PRRG1: variants seen among roughly 807,000 people sequenced by gnomAD.
PRRG1 encodes proline rich and Gla domain 1.
In PRRG1, 5 loss-of-function variants were observed where a neutral mutation model predicts 11.8. That is an observed-to-expected ratio of 0.42 (90% CI 0.22 to 0.89). The LOEUF is 0.89. Among genes scored for constraint, PRRG1 ranks in the 40% least tolerant of loss-of-function variants. PRRG1 has a pLI of 0.28. For missense variants in PRRG1, 155 were observed against 166.1 expected, an observed-to-expected ratio of 0.93 and a Z score of 0.37; for synonymous variants, 66 against 60.4, an observed-to-expected ratio of 1.09 and a Z score of -0.43.
intron 2 of PRRG1, among the ~76,000 whole-genome samples, chrX:37,415,794 ATCTCCCAC>A: frequency 9.0e-6 from 1 of 111,731 alleles, no homozygotes; most frequent in Non-Finnish European, 1.9e-5. Flanking sequence ...CTTATTTAGG[ATCTCCCAC>A]AATATCTTAG....
intron 1 of PRRG1, among the ~76,000 whole-genome samples, chrX:37,362,300 C>T (rs1299699188): frequency 5.4e-5 from 6 of 111,436 alleles, no homozygotes; most frequent in East Asian, 2.8e-4. Flanking sequence ...AATGTTAACA[C>T]GGTTTATATA....
intron 1 of PRRG1, among the ~76,000 whole-genome samples, chrX:37,380,298 A>G (rs1931114304): frequency 8.9e-6 from 1 of 111,915 alleles, no homozygotes; most frequent in African/African-American, 3.2e-5. Context: ...TGTTGCTTTT[A>G]ATTTGCAAGT....
chrX:37,422,500 CCATTTACTGTCTTTCTT>C (rs1161843214), intron 2 of PRRG1, among the ~76,000 whole-genome samples: 1 of 111,847 alleles, frequency 8.9e-6, no homozygotes, highest in Non-Finnish European at 1.9e-5. Flanking sequence ...CCACGGGAAA[CCATTTACTGTCTTTCTT>C]CATGTATTAG....
At chrX:37,401,760 T>G (rs1240827077) in intron 1 of PRRG1, among the ~76,000 whole-genome samples, 76 of 111,405 alleles carry the variant, frequency 6.8e-4, no homozygotes, top group Non-Finnish European at 1.3e-3. Flanking sequence ...CAAAATCTCC[T>G]TAAGCTGATA....
intron 2 of PRRG1, among the ~76,000 whole-genome samples, chrX:37,416,103 A>G (rs1602017575): frequency 8.9e-6 from 1 of 112,433 alleles, no homozygotes. Context: ...GTTAGTGCTT[A>G]CTAACAATAG....
At chrX:37,367,508 G>T (rs1430863061) in intron 1 of PRRG1, among the ~76,000 whole-genome samples, 3 of 87,310 alleles carry the variant, frequency 3.4e-5, no homozygotes, top group African/African-American at 2.8e-4. Context: ...TATCTCCAAG[G>T]GAACTTGGAT....
At chrX:37,420,993 T>A (rs782624206) in intron 2 of PRRG1, among the ~76,000 whole-genome samples, 2 of 112,335 alleles carry the variant, frequency 1.8e-5, no homozygotes, top group East Asian at 5.6e-4. Flanking sequence ...AGTCTTACAA[T>A]AGAGCTCTTT....
At chrX:37,398,522 AG>A (rs1414192763) in intron 1 of PRRG1, among the ~76,000 whole-genome samples, 1 of 111,827 alleles carries the variant, frequency 8.9e-6, no homozygotes, top group African/African-American at 3.3e-5. Flanking sequence ...AAAACCACAA[AG>A]ATGGGGAAAA....
intron 3 of PRRG1, among the ~76,000 whole-genome samples, chrX:37,436,957 G>T (rs782593992): frequency 1.8e-5 from 2 of 112,093 alleles, no homozygotes; most frequent in Admixed American, 9.4e-5. Flanking sequence ...AGGCTTCCTC[G>T]CTACTTCTTT....
In PRRG1 at chrX:37,456,365, A is replaced by G. The variant is rs1340194237; in HGVS notation, c.*2744A>G. ...ACATTTTAAACTGCTGATATTGGAT[A>G]TAATGCTGCTTTTTAGAGACACCTA... On this transcript the variant is annotated 3_prime_UTR_variant, in exon 4 of 4. Transcript: ENST00000378628. 1 of 112,494 alleles carries G rather than the reference A, an allele frequency of 8.9e-6. No individual in the cohort carries two copies. The highest frequency in any genetic ancestry group is 1.9e-5 in the Non-Finnish European group (1 of 53,302). The allele number at this position is 112,494 out of a possible 1,213,427, so 9.3% of individuals were successfully genotyped here.
chrX:37,415,241 T>G (rs1602016972), intron 2 of PRRG1, among the ~76,000 whole-genome samples: 1 of 111,545 alleles, frequency 9.0e-6, no homozygotes. Context: ...AAGCCCCGTC[T>G]GTACTAAAAA....
At chrX:37,427,400 C>G (rs1253864477) in intron 3 of PRRG1, among the ~76,000 whole-genome samples, 1 of 111,903 alleles carries the variant, frequency 8.9e-6, no homozygotes, top group Non-Finnish European at 1.9e-5. Context: ...ACAAACATAT[C>G]CATCACCTCC....
At chrX:37,361,395 T>G (rs1556367589) in intron 1 of PRRG1, among the ~76,000 whole-genome samples, 1 of 111,089 alleles carries the variant, frequency 9.0e-6, no homozygotes. Context: ...TGTGGGGTAA[T>G]AATTGGTATA....
intron 1 of PRRG1, among the ~76,000 whole-genome samples, chrX:37,385,456 G>A (rs782169053): frequency 2.5e-4 from 27 of 108,973 alleles, no homozygotes; most frequent in East Asian, 1.4e-3. Flanking sequence ...CTAATGATTC[G>A]TATACTTTTC....
intron 1 of PRRG1, among the ~76,000 whole-genome samples, chrX:37,390,667 C>T (rs1556376414): frequency 3.6e-5 from 4 of 112,056 alleles, no homozygotes; most frequent in Non-Finnish European, 3.8e-5. Flanking sequence ...TAGACACCAC[C>T]ACTACTCTTA....
At chrX:37,371,612 G>T (rs547015972) in intron 1 of PRRG1, among the ~76,000 whole-genome samples, 1 of 112,790 alleles carries the variant, frequency 8.9e-6, no homozygotes, top group African/African-American at 3.2e-5. Flanking sequence ...TTGAGGCGTT[G>T]CGGTTCCTGG....
intron 3 of PRRG1, among the ~76,000 whole-genome samples, chrX:37,428,518 AT>A (rs1465006572): frequency 5.4e-5 from 6 of 112,097 alleles, no homozygotes; most frequent in African/African-American, 1.9e-4. Flanking sequence ...CTTTGACTCC[AT>A]GCCTCATGTC....
At chrX:37,401,035 A>G (rs1556380077) in intron 1 of PRRG1, among the ~76,000 whole-genome samples, 2 of 110,864 alleles carry the variant, frequency 1.8e-5, no homozygotes, top group African/African-American at 6.6e-5. Flanking sequence ...ATGGATTCAC[A>G]GCCGAATTCT....
At chrX:37,440,940 AC>A (rs199754470) in intron 3 of PRRG1, 391 of 571,470 alleles carry the variant, frequency 6.8e-4, no homozygotes, top group African/African-American at 4.3e-3. Context: ...AATTTAAAAA[AC>A]AAAATTATGT....
Sources: allele counts gnomAD v4.1 joint callset (sites outside exome capture counted in the v4.1 genomes callset), GRCh38; gene constraint gnomAD v4.1.1; transcripts MANE v1.5; gene names NCBI Gene and HGNC (gene_info 2026-07-23, HGNC 2026-07-21).